Variants in MGMT observed in about 807,000 individuals in gnomAD.
MGMT encodes the protein O-6-methylguanine-DNA methyltransferase, also known as methylated-DNA--protein-cysteine methyltransferase.
MGMT carries 14 observed loss-of-function variants against 15.9 expected under a neutral mutation model. The ratio of observed to expected loss-of-function variants is 0.88; its 90% CI spans 0.58 to 1.37. MGMT has a LOEUF of 1.37. Among genes scored for constraint, MGMT ranks in the 40% most tolerant of loss-of-function variants. MGMT has a pLI of 0.00. For synonymous variants in MGMT, 130 were observed against 118.2 expected (o/e 1.10, Z -0.65); for missense variants, 282 against 268.1 (o/e 1.05, Z -0.36).
At chr10:129,648,971 G>A (rs887932107) in intron 2 of MGMT, among the ~76,000 whole-genome samples, 2 of 152,166 alleles carry the variant, frequency 1.3e-5, no homozygotes, top group Non-Finnish European at 2.9e-5. Flanking sequence ...GAGTACAATG[G>A]AAAATGGCAC....
chr10:129,516,293 T>C (rs1317116568), intron 1 of MGMT, among the ~76,000 whole-genome samples: 5 of 152,200 alleles, frequency 3.3e-5, no homozygotes. Context: ...AGGAGCACAT[T>C]CATAATTGAA....
chr10:129,753,343 AAATC>A (rs1848770150), intron 3 of MGMT, among the ~76,000 whole-genome samples: 2 of 152,296 alleles, frequency 1.3e-5, no homozygotes, highest in Non-Finnish European at 2.9e-5. Context: ...TGGGCATCTT[AAATC>A]TACAGTTGTG....
At chr10:129,609,993 G>A (rs140127225) in intron 2 of MGMT, among the ~76,000 whole-genome samples, 69 of 152,302 alleles carry the variant, frequency 4.5e-4, no homozygotes, top group Admixed American at 9.2e-4. Context: ...AAAAGCAAAG[G>A]AGATGAATAG....
At chr10:129,735,713 C>T (rs1848552540) in intron 3 of MGMT, among the ~76,000 whole-genome samples, 1 of 99,118 alleles carries the variant, frequency 1.0e-5, no homozygotes, top group African/African-American at 4.1e-5. Context: ...TATAAATTTC[C>T]CTCTACACAC....
intron 1 of MGMT, among the ~76,000 whole-genome samples, chr10:129,485,799 G>A (rs558557188): frequency 3.3e-4 from 50 of 152,142 alleles, no homozygotes; most frequent in Non-Finnish European, 6.2e-4. Flanking sequence ...GTTATTAGTG[G>A]ACTCATAAAA....
intron 2 of MGMT, chr10:129,563,965 G>T (rs80178746): frequency 0.032 from 4,943 of 152,414 alleles, 131 homozygotes; most frequent in South Asian, 0.064. Context: ...CCATCCTTTG[G>T]CCTTGTGTGT....
chr10:129,624,528 C>T (rs1364332997), intron 2 of MGMT, among the ~76,000 whole-genome samples: 1 of 152,182 alleles, frequency 6.6e-6, no homozygotes, highest in African/African-American at 2.4e-5. Flanking sequence ...ATCTCTACAT[C>T]CCCAATCCAT....
chr10:129,765,864 G>A (rs965832788), intron 4 of MGMT, among the ~76,000 whole-genome samples: 50 of 152,254 alleles, frequency 3.3e-4, no homozygotes, highest in African/African-American at 1.1e-3. Context: ...CAGAGGCAGG[G>A]GCCACAGCAC....
chr10:129,606,722 C>A, intron 2 of MGMT, among the ~76,000 whole-genome samples: 1 of 152,150 alleles, frequency 6.6e-6, no homozygotes, highest in East Asian at 1.9e-4. Flanking sequence ...TTAATACAGA[C>A]TAATTACACA....
At chr10:129,760,481 G>C (rs1848860082) in intron 4 of MGMT, among the ~76,000 whole-genome samples, 1 of 152,210 alleles carries the variant, frequency 6.6e-6, no homozygotes, top group Non-Finnish European at 1.5e-5. Flanking sequence ...AAATCAGATA[G>C]ACCTCACTTT....
At chr10:129,651,824 G>T (rs1452100752) in intron 2 of MGMT, among the ~76,000 whole-genome samples, 1 of 152,200 alleles carries the variant, frequency 6.6e-6, no homozygotes, top group African/African-American at 2.4e-5. Context: ...GCATGTGCTA[G>T]TTAAAAAGAA....
chr10:129,724,851 G>A (rs1009357716), intron 3 of MGMT, among the ~76,000 whole-genome samples: 5 of 152,140 alleles, frequency 3.3e-5, no homozygotes, highest in Non-Finnish European at 5.9e-5. Flanking sequence ...TTTATTCCTT[G>A]AAAGCAAATT....
At chr10:129,510,481 A>T (rs184760535) in intron 1 of MGMT, among the ~76,000 whole-genome samples, 88 of 152,244 alleles carry the variant, frequency 5.8e-4, no homozygotes, top group African/African-American at 2.0e-3. Context: ...ACTGGAATTG[A>T]TGAGTGAGAA....
chr10:129,586,860 A>C (rs540148588), intron 2 of MGMT, among the ~76,000 whole-genome samples: 1 of 152,188 alleles, frequency 6.6e-6, no homozygotes, highest in Admixed American at 6.5e-5. Flanking sequence ...TGGGAATGCA[A>C]TTCTTGCATA....
At chr10:129,642,941 A>G (rs1363174373) in intron 2 of MGMT, among the ~76,000 whole-genome samples, 1 of 152,152 alleles carries the variant, frequency 6.6e-6, no homozygotes, top group Non-Finnish European at 1.5e-5. Context: ...CTTAAGAAAA[A>G]AAAAAGAAAA....
At chr10:129,754,428 A>G (rs1185874467) in intron 3 of MGMT, among the ~76,000 whole-genome samples, 1 of 152,208 alleles carries the variant, frequency 6.6e-6, no homozygotes, top group Non-Finnish European at 1.5e-5. Context: ...GAAAGGGACC[A>G]TCTCCCCCTC....
chr10:129,641,428 A>G (rs1337852534), intron 2 of MGMT, among the ~76,000 whole-genome samples: 2 of 152,208 alleles, frequency 1.3e-5, no homozygotes, highest in Non-Finnish European at 2.9e-5. Flanking sequence ...AGAAACTGAT[A>G]AGCCATTCTG....
chr10:129,472,694 A>C (rs997921976), intron 1 of MGMT, among the ~76,000 whole-genome samples: 3 of 152,212 alleles, frequency 2.0e-5, no homozygotes, highest in Non-Finnish European at 4.4e-5. Context: ...GTTCCCATCC[A>C]GAAGGAGGCC....
chr10:129,555,083 C>T (rs551692570), intron 2 of MGMT, among the ~76,000 whole-genome samples: 139 of 152,344 alleles, frequency 9.1e-4, no homozygotes, highest in African/African-American at 3.2e-3. Context: ...CAACTGCTGC[C>T]GTTGATGAGG....
Sources: allele counts gnomAD v4.1 joint callset (sites outside exome capture counted in the v4.1 genomes callset), GRCh38; gene constraint gnomAD v4.1.1; transcripts MANE v1.5; gene names NCBI Gene and HGNC (gene_info 2026-07-23, HGNC 2026-07-21).